Variants in DUSP14 observed in about 807,000 individuals in gnomAD.
The protein encoded by DUSP14 is dual specificity protein phosphatase 14.
Under a neutral mutation model 13.2 loss-of-function variants are expected in DUSP14, and 5 were observed. The observed-to-expected ratio is 0.38, with a 90% CI of 0.20 to 0.80. The LOEUF is 0.80. DUSP14 is among the 30% of genes least tolerant of loss of function. The pLI is 0.44. For missense variants in DUSP14, 185 were observed against 264.0 expected (o/e 0.70, Z 2.07); for synonymous variants, 91 against 103.4 (o/e 0.88, Z 0.73).
intron 2 of DUSP14, among the ~76,000 whole-genome samples, chr17:37,511,913 G>A (rs2054189497): frequency 9.9e-6 from 1 of 101,412 alleles, no homozygotes; most frequent in South Asian, 3.3e-4. Flanking sequence ...GAGCCACCAT[G>A]CCCAGCCACC....
At chr17:37,504,135 G>A (rs570273552) in intron 1 of DUSP14, among the ~76,000 whole-genome samples, 32 of 152,134 alleles carry the variant, frequency 2.1e-4, no homozygotes, top group African/African-American at 6.5e-4. Context: ...TGGAGGTTGC[G>A]GTGAGCCGAG....
In DUSP14 at chr17:37,512,946, TCTC is replaced by T. The variant is rs572269536; in HGVS notation, c.*78_*80del. 9,472 of 1,247,380 alleles carry T rather than the reference TCTC, an allele frequency of 7.6e-3. 38 individuals carry two copies. The highest frequency in any genetic ancestry group is 9.5e-3 in the Non-Finnish European group (8,454 of 888,004). 77.3% of individuals were successfully genotyped at this position (1,247,380 alleles called of 1,614,324 possible). ...GCCGTCTGCTCCCTCTCCACTCTCTTCTCAAATGGCTGACTTCTGGTTCTCCCT... is the reference window on the plus strand; with the variant it reads ...GCCGTCTGCTCCCTCTCCACTCTCTTAAATGGCTGACTTCTGGTTCTCCCT... On this transcript the variant is annotated 3_prime_UTR_variant, in exon 3 of 3. Coordinates refer to ENST00000617516, the MANE Select transcript of DUSP14 (RefSeq NM_007026.4). This position sits in a 1 kb window ranked among gnomAD's most constrained non-coding sequence, Gnocchi z 4.8.
intron 1 of DUSP14, among the ~76,000 whole-genome samples, chr17:37,498,715 C>T (rs12936196): frequency 0.25 from 36,920 of 149,214 alleles, 4,926 homozygotes; most frequent in Admixed American, 0.4. Flanking sequence ...TACGGAGTTT[C>T]TTATTCCATT....
chr17:37,499,880 A>G (rs1259936942), intron 1 of DUSP14, among the ~76,000 whole-genome samples: 1 of 152,198 alleles, frequency 6.6e-6, no homozygotes, highest in Non-Finnish European at 1.5e-5. Flanking sequence ...GAACTATTAC[A>G]TTGTCATATT....
chr17:37,508,404 C>T (rs971176721), intron 1 of DUSP14, among the ~76,000 whole-genome samples: 1 of 152,174 alleles, frequency 6.6e-6, no homozygotes. Flanking sequence ...GAGGCATGCT[C>T]AGGTTTGAGA....
At chr17:37,511,930 C>G (rs867289643) in intron 2 of DUSP14, among the ~76,000 whole-genome samples, 3 of 46,702 alleles carry the variant, frequency 6.4e-5, no homozygotes, top group Non-Finnish European at 9.0e-5. Context: ...CACCCCCCCC[C>G]CACCCCACTT....
chr17:37,492,437 G>A (rs1368132681), intron 1 of DUSP14, among the ~76,000 whole-genome samples: 1 of 152,214 alleles, frequency 6.6e-6, no homozygotes, highest in African/African-American at 2.4e-5. Flanking sequence ...GTTAATGTGG[G>A]CACCCTTCAA....
rs931167391 is a variant in DUSP14, at chr17:37,513,258, C to T, written c.*389C>T. 5.0e-6 allele frequency: 1 copy of T among 201,016 alleles called. No individual in the cohort carries two copies. Among genetic ancestry groups the T allele is most frequent in the African/African-American group, 2.4e-5 (1 of 41,960 alleles). 12.5% of individuals were successfully genotyped at this position (201,016 alleles called of 1,614,324 possible). On this transcript the variant is annotated 3_prime_UTR_variant, in exon 3 of 3. Transcript: ENST00000617516. ...TTAACCCTTTAGAGACAAGCTTTGC[C>T]CCAGGCTGCGGACCAGACAGATGCT...
chr17:37,512,960 C>A lies in DUSP14; in HGVS notation c.*91C>A. 1 of 1,105,518 alleles carries A rather than the reference C, an allele frequency of 9.0e-7. No homozygotes were observed. The highest frequency in any genetic ancestry group is 1.6e-5 in the African/African-American group (1 of 63,676). The allele number at this position is 1,105,518 out of a possible 1,614,324, so 68.5% of individuals were successfully genotyped here. A position where few individuals can be genotyped will look rare whatever the true frequency, so the allele number is the denominator to read the frequency against. ...CTCCACTCTCTTCTCAAATGGCTGA[C>A]TTCTGGTTCTCCCTCAAGTGTTTTT... On this transcript the variant is annotated 3_prime_UTR_variant, in exon 3 of 3. Coordinates refer to ENST00000617516, the MANE Select transcript of DUSP14 (RefSeq NM_007026.4). This position sits in a 1 kb window ranked among gnomAD's most constrained non-coding sequence, Gnocchi z 4.8.
rs1311888952 is a variant in DUSP14, at chr17:37,509,124, TATATACAC to T, written c.-180-1551_-180-1544del. On this transcript the variant is annotated intron_variant, in intron 1 of 2. Transcript: ENST00000617516. ...AAACCCATATATATATATATATATATATATACACACACACACACACACACACACACACA... is the reference window on the plus strand; with the variant it reads ...AAACCCATATATATATATATATATATACACACACACACACACACACACACA... Among the ~76,000 whole-genome samples the T allele has an allele frequency of 3.9e-3, 166 of 42,774 alleles. 13 individuals carry two copies. Among genetic ancestry groups the T allele is most frequent in the African/African-American group, 0.015 (145 of 9,740 alleles). 28.1% of individuals were successfully genotyped at this position (42,774 alleles called of 152,430 possible). A position where few individuals can be genotyped will look rare whatever the true frequency, so the allele number is the denominator to read the frequency against.
chr17:37,496,751 T>C (rs1054771552), intron 1 of DUSP14, among the ~76,000 whole-genome samples: 4 of 151,544 alleles, frequency 2.6e-5, no homozygotes, highest in Non-Finnish European at 4.4e-5. Flanking sequence ...AGATTCCATC[T>C]CAAACAAACA....
rs1294930018 is a variant in DUSP14 at position 37,491,293 on chromosome 17, T to C, written c.-181+1335T>C. Among the ~76,000 whole-genome samples the C allele has an allele frequency of 2.0e-5, 3 of 152,186 alleles. No individual in the cohort carries two copies. In the South Asian group the frequency reaches 6.2e-4, roughly 31 times the overall value. On this transcript the variant is annotated intron_variant, in intron 1 of 2. Transcript: ENST00000617516. ...AGGAGGCACCCCCACAGTGAACGCC[T>C]CTTCTTCGCCAGAGACGCCTGAGAA... is the stretch of plus-strand genomic sequence containing the variant.
chr17:37,500,615 T>G (rs2054098410), intron 1 of DUSP14, among the ~76,000 whole-genome samples: 1 of 152,242 alleles, frequency 6.6e-6, no homozygotes, highest in African/African-American at 2.4e-5. Flanking sequence ...CTAGATGTTC[T>G]GAGTTACATA....
chr17:37,509,297 A>ATAGT (rs375701405), intron 1 of DUSP14, among the ~76,000 whole-genome samples: 2 of 26,790 alleles, frequency 7.5e-5, no homozygotes, highest in African/African-American at 1.5e-4. Flanking sequence ...ATATATATAT[A>ATAGT]GTGTGTGTGT....
Position 37,509,289 on chromosome 17 carries a change from A to G in DUSP14, c.-180-1388A>G, listed in dbSNP as rs1426632762. Among the ~76,000 whole-genome samples the G allele has an allele frequency of 2.4e-3, 62 of 25,674 alleles. 1 individual carries two copies. Among genetic ancestry groups the G allele is most frequent in the African/African-American group, 6.3e-3 (38 of 5,994 alleles). 16.8% of individuals were successfully genotyped at this position (25,674 alleles called of 152,430 possible). ...TATATATATATATATATATATATAT[A>G]TATATATAGTGTGTGTGTGTGTGTG... On this transcript the variant is annotated intron_variant, in intron 1 of 2. Coordinates refer to ENST00000617516, the MANE Select transcript of DUSP14 (RefSeq NM_007026.4).
intron 1 of DUSP14, among the ~76,000 whole-genome samples, chr17:37,493,925 A>G (rs1252176144): frequency 6.6e-6 from 1 of 151,336 alleles, no homozygotes; most frequent in African/African-American, 2.4e-5. Context: ...ACAGACCCTA[A>G]CTCATACTTC....
At chr17:37,497,724 T>C (rs2054074983) in intron 1 of DUSP14, among the ~76,000 whole-genome samples, 1 of 149,516 alleles carries the variant, frequency 6.7e-6, no homozygotes, top group African/African-American at 2.5e-5. Context: ...TGTGCCACTG[T>C]GCTCCAGGAT....
rs200199152 is a variant in DUSP14, at chr17:37,512,223, A to C, written c.-50A>C. On this transcript the variant is annotated 5_prime_UTR_variant, in exon 3 of 3. Coordinates refer to ENST00000617516, the MANE Select transcript of DUSP14 (RefSeq NM_007026.4). The surrounding 1 kb of genome is among the most constrained non-coding windows in gnomAD (Gnocchi z 4.8). ...TGGATTCCTTGGTGGAGGAAAATAA[A>C]ACACTCTGGTCTTGCCGCCAACGAT... is the stretch of plus-strand genomic sequence containing the variant. The C allele has an allele frequency of 4.0e-6, 6 of 1,494,908 alleles. No homozygotes were observed. The highest frequency in any genetic ancestry group is 5.4e-6 in the Non-Finnish European group (6 of 1,110,438). The allele number at this position is 1,494,908 out of a possible 1,614,324, so 92.6% of individuals were successfully genotyped here.
intron 1 of DUSP14, among the ~76,000 whole-genome samples, chr17:37,496,544 C>T (rs936411371): frequency 3.3e-5 from 5 of 151,966 alleles, no homozygotes; most frequent in African/African-American, 7.3e-5. Flanking sequence ...TCATGAGGTC[C>T]GGAGTTCGAA....
Sources: allele counts gnomAD v4.1 joint callset (sites outside exome capture counted in the v4.1 genomes callset), GRCh38; gene constraint gnomAD v4.1.1; non-coding constraint Gnocchi (gnomAD v3.1); transcripts MANE v1.5; gene names NCBI Gene and HGNC (gene_info 2026-07-23, HGNC 2026-07-21).